The following SPMIP7 variants were observed in gnomAD, a reference collection of about 807,000 sequenced individuals.
SPMIP7 encodes the protein sperm microtubule inner protein 7, also known as protein SPMIP7.
At chr7:50,110,443 T>C in the SPMIP7 span, among the ~76,000 whole-genome samples, 1 of 147,286 alleles carries the variant, frequency 6.8e-6, no homozygotes, top group African/African-American at 2.5e-5. Context: ...ATATAGTTTA[T>C]ATATTATATA....
At chr7:50,096,456 G>A in the SPMIP7 span, 1 of 1,551,656 alleles carries the variant, frequency 6.4e-7, no homozygotes, top group Non-Finnish European at 8.7e-7. Context: ...CCTGGCATTG[G>A]CAGAACCATA....
the SPMIP7 span, chr7:50,158,919 G>C: frequency 1.6e-5 from 14 of 891,332 alleles, no homozygotes; most frequent in Non-Finnish European, 2.0e-5. Flanking sequence ...AGTCATCCTC[G>C]CTCCCTGCCT....
At chr7:50,127,615 T>TTATATATATATATA in the SPMIP7 span, among the ~76,000 whole-genome samples, 3 of 72,300 alleles carry the variant, frequency 4.1e-5, no homozygotes, top group Admixed American at 1.5e-4. Flanking sequence ...TCATATCTTT[T>TTATATATATATATA]TCTATATATA....
chr7:50,136,490 A>G, the SPMIP7 span, among the ~76,000 whole-genome samples: 1 of 152,162 alleles, frequency 6.6e-6, no homozygotes, highest in Non-Finnish European at 1.5e-5. Context: ...AGATCACGCC[A>G]CTGCACTCCA....
the SPMIP7 span, among the ~76,000 whole-genome samples, chr7:50,120,883 C>A: frequency 6.6e-6 from 1 of 152,298 alleles, no homozygotes; most frequent in Non-Finnish European, 1.5e-5. Context: ...ACCACTAAGA[C>A]TTAAATACTG....
the SPMIP7 span, among the ~76,000 whole-genome samples, chr7:50,100,443 A>G: frequency 2.6e-5 from 4 of 152,180 alleles, no homozygotes; most frequent in East Asian, 3.8e-4. Flanking sequence ...CAGTTTATTA[A>G]TTGGGGAGAG....
chr7:50,154,754 T>A, the SPMIP7 span, among the ~76,000 whole-genome samples: 1 of 152,220 alleles, frequency 6.6e-6, no homozygotes, highest in Non-Finnish European at 1.5e-5. Flanking sequence ...TACGTTATTT[T>A]TATGTTTAAT....
the SPMIP7 span, among the ~76,000 whole-genome samples, chr7:50,125,989 C>G: frequency 2.6e-5 from 4 of 152,050 alleles, no homozygotes; most frequent in African/African-American, 9.7e-5. Flanking sequence ...TGCACATACA[C>G]ACACACAAAT....
the SPMIP7 span, among the ~76,000 whole-genome samples, chr7:50,152,679 T>TATTC: frequency 1.3e-5 from 2 of 148,728 alleles, no homozygotes; most frequent in African/African-American, 4.9e-5. Context: ...TTTATTTATT[T>TATTC]ATTTATTTAT....
chr7:50,158,642 G>T, the SPMIP7 span, among the ~76,000 whole-genome samples: 1 of 152,094 alleles, frequency 6.6e-6, no homozygotes, highest in South Asian at 2.1e-4. Context: ...CTACCCTCTG[G>T]GTGAGGTCTG....
the SPMIP7 span, among the ~76,000 whole-genome samples, chr7:50,147,670 T>C: frequency 6.6e-6 from 1 of 152,252 alleles, no homozygotes; most frequent in Non-Finnish European, 1.5e-5. Context: ...ATATACCATC[T>C]GTGCTCCCTT....
chr7:50,112,797 T>C, the SPMIP7 span, among the ~76,000 whole-genome samples: 4 of 151,946 alleles, frequency 2.6e-5, no homozygotes, highest in Non-Finnish European at 5.9e-5. Context: ...TCTTGTTGGA[T>C]TGAGGAGAGA....
chr7:50,107,515 T>C, the SPMIP7 span, among the ~76,000 whole-genome samples: 6 of 150,408 alleles, frequency 4.0e-5, no homozygotes, highest in Non-Finnish European at 7.4e-5. Context: ...AGAGAGGTAA[T>C]TGGAGAATTG....
At chr7:50,126,219 A>G in the SPMIP7 span, among the ~76,000 whole-genome samples, 16 of 109,126 alleles carry the variant, frequency 1.5e-4, no homozygotes, top group African/African-American at 6.5e-4. Flanking sequence ...CACATCATCA[A>G]TATAAAAAAT....
At chr7:50,136,887 A>G in the SPMIP7 span, among the ~76,000 whole-genome samples, 3,300 of 152,330 alleles carry the variant, frequency 0.022, 48 homozygotes, top group Non-Finnish European at 0.031. Flanking sequence ...TATGTACACA[A>G]AAATGTATAA....
chr7:50,130,376 T>C, the SPMIP7 span, among the ~76,000 whole-genome samples: 1 of 152,056 alleles, frequency 6.6e-6, no homozygotes, highest in African/African-American at 2.4e-5. Context: ...AGAGAGCCTG[T>C]GCAGGGCAGC....
At chr7:50,117,130 G>A in the SPMIP7 span, 2 of 392,786 alleles carry the variant, frequency 5.1e-6, no homozygotes, top group Admixed American at 2.8e-5. Flanking sequence ...ACAGCCATGA[G>A]GAGGCTTTTC....
chr7:50,141,590 A>C, the SPMIP7 span: 2 of 505,830 alleles, frequency 4.0e-6, no homozygotes, highest in African/African-American at 3.8e-5. Flanking sequence ...TGAGCAAGTC[A>C]CTTTATCTCT....
the SPMIP7 span, among the ~76,000 whole-genome samples, chr7:50,158,412 C>A: frequency 4.0e-5 from 6 of 151,086 alleles, 1 homozygote; most frequent in East Asian, 5.9e-4. Flanking sequence ...GGTGACCCAC[C>A]CATGTCTTCT....
Sources: allele counts gnomAD v4.1 joint callset (sites outside exome capture counted in the v4.1 genomes callset), GRCh38; gene constraint gnomAD v4.1.1; transcripts MANE v1.5; gene names NCBI Gene and HGNC (gene_info 2026-07-23, HGNC 2026-07-21).